Variants in ATAD2 observed in about 807,000 individuals in gnomAD.
The protein encoded by ATAD2 is ATPase family AAA domain-containing protein 2.
In ATAD2, 62 loss-of-function variants were observed where a neutral mutation model predicts 168.9. The observed-to-expected ratio is 0.37, with a 90% CI of 0.30 to 0.45. The LOEUF is 0.45. ATAD2 is among the 20% of genes least tolerant of loss of function. ATAD2 has a pLI of 1.00. For synonymous variants in ATAD2, 613 were observed against 571.6 expected, an observed-to-expected ratio of 1.07 and a Z score of -1.03; for missense variants, 1,419 against 1,667.8, an observed-to-expected ratio of 0.85 and a Z score of 2.60.
At chr8:123,377,781 A>C (rs1829365477) in intron 2 of ATAD2, among the ~76,000 whole-genome samples, 1 of 152,210 alleles carries the variant, frequency 6.6e-6, no homozygotes, top group Non-Finnish European at 1.5e-5. Context: ...ATGCTACCAC[A>C]TCATATTGCC....
In ATAD2 at chr8:123,369,127, G is replaced by A; in HGVS notation, c.980C>T (p.Ser327Phe). ...TAATCGGTATCTTGGTCTTGCAGGAGAAGCTGGGCCACTATAAAATATGTT... is the reference window on the plus strand; with the variant it reads ...TAATCGGTATCTTGGTCTTGCAGGAAAAGCTGGGCCACTATAAAATATGTT... ...KPNIFYSGPA[S>F]PARPRYRLSS... The change falls in exon 8 of 28, where the codon TCT (serine) becomes TTT (phenylalanine). Residue 327 changes from serine (S) to phenylalanine (F), a missense_variant. Ser to Phe is a radical substitution (Grantham distance 155, BLOSUM62 -2). Transcript: ENST00000287394. The A allele has an allele frequency of 6.3e-7, 1 of 1,594,868 alleles. No individual in the cohort carries two copies. The highest frequency in any genetic ancestry group is 8.6e-7 in the Non-Finnish European group (1 of 1,168,046).
chr8:123,361,798 T>A (rs1035987945), intron 8 of ATAD2, 152 bp from the exon 9 acceptor site: 3 of 550,818 alleles, frequency 5.4e-6, no homozygotes, highest in Non-Finnish European at 9.6e-6. Flanking sequence ...GTTCGCTGAA[T>A]CTTTCAAATG....
In ATAD2 at chr8:123,350,513, A is replaced by G. The variant is rs117792492; in HGVS notation, c.1647-1069T>C. Among the ~76,000 whole-genome samples, 60 of 152,258 alleles carry G rather than the reference A, an allele frequency of 3.9e-4. No homozygotes were observed. In the East Asian group the frequency reaches 8.5e-3, roughly 22 times the overall value. On this transcript the variant is annotated intron_variant, in intron 13 of 27. Transcript: ENST00000287394. The stretch of plus-strand genomic sequence containing the variant: ...CAGGACCCACACACTACACTTGATT[A>G]TTTGTCACTGAATTCCTTGACAGTT...
chr8:123,344,815 T>C lies in ATAD2; in HGVS notation c.2718+69A>G, dbSNP rs184803205. On this transcript the variant is annotated intron_variant, in intron 19 of 27. Transcript: ENST00000287394. ...TTCTACAGCATTTGAATTTTTTCAA[T>C]AAGTTATGATTATTGTGGTAGAAAC... is the stretch of plus-strand genomic sequence containing the variant. The C allele has an allele frequency of 2.6e-6, 4 of 1,515,290 alleles. No individual in the cohort carries two copies. In the Admixed American group the frequency reaches 6.7e-5, roughly 26 times the overall value. 93.9% of individuals were successfully genotyped at this position (1,515,290 alleles called of 1,614,324 possible). A position where few individuals can be genotyped will look rare whatever the true frequency, so the allele number is the denominator to read the frequency against.
Position 123,359,699 on chromosome 8 carries a change from T to C in ATAD2, c.1158-14A>G. ...AGTGGGAGGCACCTATTTAAAAAGA[T>C]TTTTTAAAACCACACAAACCCATCA... On this transcript the variant is annotated splice_polypyrimidine_tract_variant and intron_variant, in intron 9 of 27. Transcript: ENST00000287394. 1.3e-6 allele frequency: 2 copies of C among 1,588,548 alleles called. No homozygotes were observed. Among genetic ancestry groups the C allele is most frequent in the Non-Finnish European group, 1.7e-6 (2 of 1,159,416 alleles).
intron 27 of ATAD2, 38 bp downstream of exon 27, chr8:123,322,900 C>T: frequency 6.3e-7 from 1 of 1,596,484 alleles, no homozygotes; most frequent in Non-Finnish European, 8.6e-7. Flanking sequence ...AATGTGACCA[C>T]AAGAGCATTT....
intron 1 of ATAD2, 72 bp downstream of exon 1, chr8:123,396,115 C>CA: frequency 6.8e-7 from 1 of 1,461,346 alleles, no homozygotes; most frequent in East Asian, 2.6e-5. Context: ...ACCCCCAGGC[C>CA]CCTCCGAGCG....
At position 123,346,166 on chromosome 8, in the gene ATAD2, C is replaced by G; in HGVS notation, c.2452G>C (p.Glu818Gln). The change falls in exon 18 of 28, where the codon GAA (glutamate) becomes CAA (glutamine). Residue 818 changes from glutamate (E) to glutamine (Q), a missense_variant. Glu to Gln is a conservative substitution (Grantham distance 29). Around this residue, in one of 5 missense-constraint regions of ATAD2, gnomAD observed 545 missense variants for 724.9 expected, o/e 0.75. Coordinates refer to ENST00000287394, the MANE Select transcript of ATAD2 (RefSeq NM_014109.4). ...TCTAATGTATATACAGTAAACTTTT[C>G]CAAAGCATGAATGACAGCTGGTGCC... The part of the protein sequence containing the change: ...HLAPAVIHAL[E>Q]KFTVYTLDIP... 1 of 1,613,188 alleles carries G rather than the reference C, an allele frequency of 6.2e-7. No individual in the cohort carries two copies. Among genetic ancestry groups the G allele is most frequent in the South Asian group, 1.1e-5 (1 of 90,918 alleles).
chr8:123,379,695 T>C (rs1299252573), intron 2 of ATAD2, among the ~76,000 whole-genome samples: 1 of 151,676 alleles, frequency 6.6e-6, no homozygotes, highest in African/African-American at 2.4e-5. Context: ...CCCGAGTAGC[T>C]GGGACCTCAG....
rs891437518 is a variant in ATAD2, at chr8:123,319,980, G to A, written c.*1154C>T. On this transcript the variant is annotated 3_prime_UTR_variant, in exon 28 of 28. Transcript: ENST00000287394. ...CAAAAATGAGAATGTGTATCTCCAG[G>A]AATATAAATATATTTAAATGTTCTC... 1 of 151,928 alleles carries A rather than the reference G, an allele frequency of 6.6e-6. No individual in the cohort carries two copies. Among genetic ancestry groups the A allele is most frequent in the South Asian group, 2.1e-4 (1 of 4,824 alleles). The allele number at this position is 151,928 out of a possible 1,614,324, so 9.4% of individuals were successfully genotyped here. A position where few individuals can be genotyped will look rare whatever the true frequency, so the allele number is the denominator to read the frequency against.
chr8:123,351,965 G>C (rs186730090), intron 13 of ATAD2, among the ~76,000 whole-genome samples: 2 of 152,200 alleles, frequency 1.3e-5, no homozygotes, highest in African/African-American at 4.8e-5. Flanking sequence ...AGCCAGGATG[G>C]TCTCGATCTC....
chr8:123,371,552 C>T, intron 4 of ATAD2, 118 bp downstream of exon 4: 1 of 942,926 alleles, frequency 1.1e-6, no homozygotes, highest in South Asian at 1.8e-5. Context: ...AATCATTCTC[C>T]TGTACGCTTT....
intron 1 of ATAD2, among the ~76,000 whole-genome samples, chr8:123,387,871 G>A (rs182010703): frequency 6.6e-6 from 1 of 152,074 alleles, no homozygotes; most frequent in Non-Finnish European, 1.5e-5. Context: ...AGCATGTTTG[G>A]GGGGGAGGTC....
intron 15 of ATAD2, 91 bp from the exon 16 acceptor site, chr8:123,347,497 T>A: frequency 1.6e-6 from 2 of 1,267,238 alleles, no homozygotes; most frequent in Non-Finnish European, 2.2e-6. Flanking sequence ...AAAAAAAAAA[T>A]TAAAAATCAG....
At chr8:123,361,376 A>C (rs1157973860) in intron 9 of ATAD2, among the ~76,000 whole-genome samples, 163 bp downstream of exon 9, 1 of 151,980 alleles carries the variant, frequency 6.6e-6, no homozygotes, top group Non-Finnish European at 1.5e-5. Context: ...ATTCTGATTC[A>C]ACTGTAGATA....
intron 24 of ATAD2, among the ~76,000 whole-genome samples, chr8:123,330,594 C>G (rs1827751705): frequency 1.3e-5 from 2 of 151,778 alleles, no homozygotes; most frequent in South Asian, 2.1e-4. Context: ...GATCACATGA[C>G]CTCGTGATCC....
intron 22 of ATAD2, 33 bp downstream of exon 22, chr8:123,336,340 C>T: frequency 6.4e-7 from 1 of 1,553,046 alleles, no homozygotes; most frequent in Non-Finnish European, 8.6e-7. Context: ...CCCCCCAACT[C>T]AACCCCCTGA....
chr8:123,372,376 T>C (rs545738202), intron 3 of ATAD2, among the ~76,000 whole-genome samples: 6 of 152,220 alleles, frequency 3.9e-5, no homozygotes, highest in South Asian at 2.1e-4. Flanking sequence ...CTCAGGAAAC[T>C]GGTGGGGAGT....
chr8:123,373,227 G>C (rs1829201631), intron 2 of ATAD2, among the ~76,000 whole-genome samples: 1 of 151,360 alleles, frequency 6.6e-6, no homozygotes, highest in South Asian at 2.1e-4. Flanking sequence ...AGATGGGGCG[G>C]GGGGGGTCTC....
Sources: allele counts gnomAD v4.1 joint callset (sites outside exome capture counted in the v4.1 genomes callset), GRCh38; gene constraint gnomAD v4.1.1; regional missense constraint gnomAD v4.1.1; transcripts MANE v1.5; gene names NCBI Gene and HGNC (gene_info 2026-07-23, HGNC 2026-07-21).